The following DOK7 variants were observed in gnomAD, a reference collection of about 807,000 sequenced individuals.
The protein encoded by DOK7 is protein Dok-7.
A neutral mutation model predicts 30.7 loss-of-function variants in DOK7; 32 were observed. The observed-to-expected ratio is 1.04, with a 90% CI of 0.79 to 1.40. The LOEUF (loss-of-function observed/expected upper bound fraction) is 1.40. DOK7 is among the 40% of genes most tolerant of loss of function. DOK7 has a pLI of 0.00. For missense variants in DOK7, 1,007 were observed against 699.2 expected (o/e 1.44, Z -4.97); for synonymous variants, 447 against 324.1 (o/e 1.38, Z -4.07).
chr4:3,487,055 C>A (rs1727851858), intron 5 of DOK7, among the ~76,000 whole-genome samples: 1 of 152,140 alleles, frequency 6.6e-6, no homozygotes, highest in Non-Finnish European at 1.5e-5. Context: ...GGGGCCATTG[C>A]TGACAGCTGG....
chr4:3,480,938 C>T (rs1350264552), intron 4 of DOK7, among the ~76,000 whole-genome samples: 3 of 152,146 alleles, frequency 2.0e-5, no homozygotes, highest in Admixed American at 2.0e-4. Context: ...TGCGGGGAAG[C>T]TCTCTGGAGG....
At chr4:3,496,346 C>G (rs1197107487), downstream of DOK7, among the ~76,000 whole-genome samples, 1 of 152,226 alleles carries the variant, frequency 6.6e-6, no homozygotes, top group Non-Finnish European at 1.5e-5. Context: ...GCGGAGCCTT[C>G]CCCACCAGCT....
At chr4:3,485,821 C>A (rs1330341274) in intron 5 of DOK7, among the ~76,000 whole-genome samples, 163 bp downstream of exon 5, 1 of 152,282 alleles carries the variant, frequency 6.6e-6, no homozygotes, top group Non-Finnish European at 1.5e-5. Flanking sequence ...GCAGCCTGGG[C>A]TTCTGCAAGC....
Position 3,493,366 on chromosome 4 carries a change from G to C in DOK7, c.1380G>C (p.Gln460His). Reference sequence around the variant, plus strand: ...GGGGCCTGGTGATGGAGGCCCCCCAGGGCAGCGAGGCCACACTGCCTGGCC... The same window carrying C: ...GGGGCCTGGTGATGGAGGCCCCCCACGGCAGCGAGGCCACACTGCCTGGCC... ...RRRGLVMEAP[Q>H]GSEATLPGPA... Residue 460 changes from glutamine to histidine, a missense_variant, in exon 7 of 7, where the codon CAG becomes CAC. Gln to His is a conservative substitution (Grantham distance 24). Transcript: ENST00000340083. 2 of 1,597,436 alleles carry C rather than the reference G, an allele frequency of 1.3e-6. No individual in the cohort carries two copies. Among genetic ancestry groups the C allele is most frequent in the Non-Finnish European group, 1.7e-6 (2 of 1,172,628 alleles).
At chr4:3,500,507 T>A in intron 7 of DOK7, 2 of 1,485,990 alleles carry the variant, frequency 1.3e-6, no homozygotes, top group Non-Finnish European at 1.8e-6. Context: ...GCCAGGGAGC[T>A]TTTCCTACAG....
At position 3,493,023 on chromosome 4, in the gene DOK7, C is replaced by T. The variant is rs568530359; in HGVS notation, c.1037C>T (p.Ser346Phe). ...SDSGIATGSH[S>F]SYSSSLSSYA... ...AGCGGCATCGCCACTGGCAGCCACT[C>T]CTCTTACTCCAGCAGCCTCTCGTCC... Residue 346 changes from serine to phenylalanine, a missense_variant, in exon 7 of 7, where the codon TCC becomes TTC. Physicochemically the swap from Ser to Phe is radical, Grantham distance 155. Coordinates refer to ENST00000340083, the MANE Select transcript of DOK7 (RefSeq NM_173660.5). 21 of 1,569,448 alleles carry T rather than the reference C, an allele frequency of 1.3e-5. No individual in the cohort carries two copies. Among genetic ancestry groups the T allele is most frequent in the African/African-American group, 1.1e-4 (8 of 74,462 alleles).
Position 3,493,544 on chromosome 4 carries a change from GC to G in DOK7, c.*48del. Reference sequence around the variant, plus strand: ...CCGCGGCTGCAAAGGGGCTGAATTTGCCCCCAGATGGCAGAGGAAGTGGCGC... The same window carrying G: ...CCGCGGCTGCAAAGGGGCTGAATTTGCCCCAGATGGCAGAGGAAGTGGCGC... On this transcript the variant is annotated 3_prime_UTR_variant, in exon 7 of 7. Transcript: ENST00000340083. 1 of 1,598,676 alleles carries G rather than the reference GC, an allele frequency of 6.3e-7. No individual in the cohort carries two copies. The highest frequency in any genetic ancestry group is 8.5e-7 in the Non-Finnish European group (1 of 1,172,866).
chr4:3,494,946 G>GTGCC (rs1282563998), downstream of DOK7, among the ~76,000 whole-genome samples: 1 of 151,680 alleles, frequency 6.6e-6, no homozygotes, highest in Non-Finnish European at 1.5e-5. Flanking sequence ...CCTGTTGTGG[G>GTGCC]TGCCTGCCTG....
chr4:3,493,116 C>G lies in DOK7; in HGVS notation c.1130C>G (p.Ala377Gly). The part of the protein sequence containing the change: ...DELGSLLSLP[A>G]AGAPEPSLCT... ...CTGGGCTCACTGCTCAGCCTGCCAG[C>G]AGCGGGGGCCCCCGAGCCCAGCCTG... is the stretch of plus-strand genomic sequence containing the variant. The change falls in exon 7 of 7, where the codon GCA (alanine) becomes GGA (glycine). Residue 377 changes from alanine (A) to glycine (G), a missense_variant. Transcript: ENST00000340083. 1 of 1,589,208 alleles carries G rather than the reference C, an allele frequency of 6.3e-7. No individual in the cohort carries two copies. The highest frequency in any genetic ancestry group is 2.3e-5 in the East Asian group (1 of 43,432).
chr4:3,493,909 C>G lies in DOK7; in HGVS notation c.*408C>G. 9.5e-7 allele frequency: 1 copy of G among 1,057,008 alleles called. No homozygotes were observed. The highest frequency in any genetic ancestry group is 1.1e-6 in the Non-Finnish European group (1 of 876,900). 65.5% of individuals were successfully genotyped at this position (1,057,008 alleles called of 1,614,324 possible). ...CCCTTCGGGGGTGGCCGGTTCTCCC[C>G]ATCACCTCTCTGGGGCAGTCACACC... On this transcript the variant is annotated 3_prime_UTR_variant, in exon 7 of 7. Coordinates refer to ENST00000340083, the MANE Select transcript of DOK7 (RefSeq NM_173660.5).
chr4:3,492,507 G>A (rs373218911), intron 6 of DOK7, among the ~76,000 whole-genome samples: 1 of 152,106 alleles, frequency 6.6e-6, no homozygotes, highest in African/African-American at 2.4e-5. Flanking sequence ...GGGGTGCTGA[G>A]AGGGAGGGGC....
chr4:3,492,728 A>G (rs1448843377), intron 6 of DOK7, 31 bp from the exon 7 acceptor site: 1 of 1,609,404 alleles, frequency 6.2e-7, no homozygotes. Context: ...CTGTACCCCC[A>G]CAACTGCCTT....
At chr4:3,473,661 G>T (rs754237127) in intron 3 of DOK7, 25 bp downstream of exon 3, 1 of 1,523,014 alleles carries the variant, frequency 6.6e-7, no homozygotes, top group Non-Finnish European at 8.9e-7. Context: ...CCGGGGCCGG[G>T]CGGGGGCTCC....
chr4:3,499,386 G>A (rs376356823), downstream of DOK7, among the ~76,000 whole-genome samples: 3 of 152,340 alleles, frequency 2.0e-5, no homozygotes, highest in East Asian at 1.9e-4. Flanking sequence ...GTGGCTGTGC[G>A]TTCCCTCACG....
At position 3,463,346 on chromosome 4, in the gene DOK7, GAGCGC is replaced by G; in HGVS notation, c.-29_-25del. ...TGACCCTGGGCTGGGGCGCCGGGGC[GAGCGC>G]GGCGGCGCGGAACCATGACAGAAGA... On this transcript the variant is annotated 5_prime_UTR_variant, in exon 1 of 7. Transcript: ENST00000340083. The G allele has an allele frequency of 6.9e-7, 1 of 1,447,442 alleles. No individual in the cohort carries two copies. Among genetic ancestry groups the G allele is most frequent in the Non-Finnish European group, 9.0e-7 (1 of 1,112,302 alleles). 89.7% of individuals were successfully genotyped at this position (1,447,442 alleles called of 1,614,324 possible).
At chr4:3,492,264 C>T (rs550995731) in intron 6 of DOK7, among the ~76,000 whole-genome samples, 17 of 151,892 alleles carry the variant, frequency 1.1e-4, no homozygotes, top group African/African-American at 3.1e-4. Context: ...GGGCAGGGGG[C>T]GAGTCGAGGT....
intron 6 of DOK7, among the ~76,000 whole-genome samples, chr4:3,491,560 C>T (rs3135162): frequency 0.021 from 420 of 19,652 alleles, 3 homozygotes; most frequent in African/African-American, 0.042. Flanking sequence ...TTCATTCATT[C>T]CTTCCTTCAC....
chr4:3,468,361 CGT>C lies in DOK7; in HGVS notation c.100+4815_100+4816del, dbSNP rs572999822. ...GTGAGCTCAAATGCTTGTCTGTGTGCGTGTGTCTGTGTGTGCAAGTGTGTGCC... is the reference window on the plus strand; with the variant it reads ...GTGAGCTCAAATGCTTGTCTGTGTGCGTGTCTGTGTGTGCAAGTGTGTGCC... On this transcript the variant is annotated intron_variant, in intron 2 of 6. Transcript: ENST00000340083. Among the ~76,000 whole-genome samples, 202 of 150,796 alleles carry C rather than the reference CGT, an allele frequency of 1.3e-3. 1 individual carries two copies. The highest frequency in any genetic ancestry group is 4.7e-3 in the African/African-American group (192 of 40,918).
chr4:3,489,277 C>T (rs1196801135), intron 5 of DOK7, among the ~76,000 whole-genome samples: 1 of 152,120 alleles, frequency 6.6e-6, no homozygotes, highest in Non-Finnish European at 1.5e-5. Context: ...GAAATGGGCA[C>T]CGTGAATGAG....
Sources: allele counts gnomAD v4.1 joint callset (sites outside exome capture counted in the v4.1 genomes callset), GRCh38; gene constraint gnomAD v4.1.1; transcripts MANE v1.5; gene names NCBI Gene and HGNC (gene_info 2026-07-23, HGNC 2026-07-21).